Variants in RPRD2 observed in about 807,000 individuals in gnomAD.
RPRD2 encodes regulation of nuclear pre-mRNA domain containing 2.
A neutral mutation model predicts 104.4 loss-of-function variants in RPRD2; 12 were observed. The ratio of observed to expected loss-of-function variants is 0.11; its 90% CI spans 0.07 to 0.19. The LOEUF is 0.19. Ranked by LOEUF, RPRD2 falls within the 10% of genes least tolerant of loss-of-function variation. The probability of loss-of-function intolerance (pLI) is 1.00; values close to 1 mark genes in which losing one functional copy is unlikely to be tolerated. For synonymous variants in RPRD2, 714 were observed against 684.9 expected (o/e 1.04, Z -0.66); for missense variants, 1,543 against 1,790.1 (o/e 0.86, Z 2.49).
intron 1 of RPRD2, among the ~76,000 whole-genome samples, chr1:150,373,533 C>CTTATTTTTTTTT (rs1660476955): frequency 1.0e-5 from 1 of 97,420 alleles, no homozygotes; most frequent in Non-Finnish European, 2.0e-5. Context: ...TCAAGAATGA[C>CTTATTTTTTTTT]TTTTTTTTTT....
At chr1:150,423,168 A>ATGATG (rs1664878827) in intron 2 of RPRD2, among the ~76,000 whole-genome samples, 1 of 152,208 alleles carries the variant, frequency 6.6e-6, no homozygotes, top group Non-Finnish European at 1.5e-5. Flanking sequence ...GTTTATCTGA[A>ATGATG]TATACATCAC....
Position 150,439,101 on chromosome 1 carries a change from G to A in RPRD2, c.336-1822G>A, listed in dbSNP as rs184940043. Among the ~76,000 whole-genome samples, 1,306 of 152,218 alleles carry A rather than the reference G, an allele frequency of 8.6e-3. 9 individuals are homozygous for A. Among genetic ancestry groups the A allele is most frequent in the Admixed American group, 0.015 (223 of 15,300 alleles). The stretch of plus-strand genomic sequence containing the variant: ...GCCTCCCTCGGCCTCCCAAAGTGCT[G>A]CGATTACAGGCATGAGCCACCACAC... On this transcript the variant is annotated intron_variant, in intron 2 of 10. Coordinates refer to ENST00000369068, the MANE Select transcript of RPRD2 (RefSeq NM_015203.5).
chr1:150,428,778 A>G (rs979111552), intron 2 of RPRD2, among the ~76,000 whole-genome samples: 1 of 152,156 alleles, frequency 6.6e-6, no homozygotes, highest in Non-Finnish European at 1.5e-5. Context: ...GTGAGGTACA[A>G]GATTGTGGTG....
At chr1:150,377,906 A>G (rs935820813) in intron 1 of RPRD2, among the ~76,000 whole-genome samples, 14 of 152,290 alleles carry the variant, frequency 9.2e-5, no homozygotes, top group Non-Finnish European at 1.6e-4. Context: ...TGAGTCTCAG[A>G]GAAGTAAATT....
At chr1:150,413,458 C>T (rs1664092811) in intron 1 of RPRD2, among the ~76,000 whole-genome samples, 1 of 152,058 alleles carries the variant, frequency 6.6e-6, no homozygotes, top group Non-Finnish European at 1.5e-5. Context: ...AAAAAATTAG[C>T]TGGGTGCGGT....
chr1:150,364,739 A>G lies in RPRD2; in HGVS notation c.25A>G (p.Ser9Gly). 6.3e-7 allele frequency: 1 copy of G among 1,587,184 alleles called. No individual in the cohort carries two copies. Among genetic ancestry groups the G allele is most frequent in the Non-Finnish European group, 8.6e-7 (1 of 1,166,574 alleles). The change falls in exon 1 of 11, where the codon AGC becomes GGC. Residue 9 changes from serine to glycine, a missense_variant. Physicochemically the swap from Ser to Gly is moderately conservative, Grantham distance 56 (BLOSUM62 0). Coordinates refer to ENST00000369068, the MANE Select transcript of RPRD2 (RefSeq NM_015203.5). ...GATGGCGGCCGGCGGCGGCGGAGGCAGCAGTAAGGCCTCCTCCTCGTCGGC... is the reference window on the plus strand; with the variant it reads ...GATGGCGGCCGGCGGCGGCGGAGGCGGCAGTAAGGCCTCCTCCTCGTCGGC... MAAGGGGG[S>G]SKASSSSASS...
At position 150,474,296 on chromosome 1, in the gene RPRD2, AAG is replaced by A. The variant is rs1472683116; in HGVS notation, c.*963_*964del. ...TTTTACCATGGTGCCTCCCTAATGT[AAG>A]TGATATTTATTGGTGGTTTTCAACA... On this transcript the variant is annotated 3_prime_UTR_variant, in exon 11 of 11. Transcript: ENST00000369068. 6 of 152,232 alleles carry A rather than the reference AAG, an allele frequency of 3.9e-5. No individual in the cohort carries two copies. Among genetic ancestry groups the A allele is most frequent in the African/African-American group, 1.4e-4 (6 of 41,464 alleles). 9.4% of individuals were successfully genotyped at this position (152,232 alleles called of 1,614,324 possible). A position where few individuals can be genotyped will look rare whatever the true frequency, so the allele number is the denominator to read the frequency against.
In RPRD2 at chr1:150,472,904, G is replaced by A. The variant is rs2102450495; in HGVS notation, c.3956G>A (p.Gly1319Glu). The change falls in exon 11 of 11, where the codon GGG (glycine) becomes GAG (glutamate). Residue 1319 changes from glycine to glutamate, a missense_variant. Gly to Glu is a moderately conservative substitution (Grantham distance 98). Transcript: ENST00000369068. ...APPLAEHGVAGAVAVFPKDHS... is the reference protein window; with the variant it reads ...APPLAEHGVAEAVAVFPKDHS... ...CCACTGGCAGAGCACGGAGTGGCAG[G>A]GGCTGTGGCAGTATTTCCCAAGGAC... 1 of 1,613,236 alleles carries A rather than the reference G, an allele frequency of 6.2e-7. No individual in the cohort carries two copies. Among genetic ancestry groups the A allele is most frequent in the East Asian group, 2.2e-5 (1 of 44,870 alleles).
At chr1:150,449,056 G>A (rs1171286796) in intron 7 of RPRD2, among the ~76,000 whole-genome samples, 3 of 152,162 alleles carry the variant, frequency 2.0e-5, no homozygotes, top group Admixed American at 2.0e-4. Flanking sequence ...CTTGAGGCCA[G>A]GAGTTCAAGA....
intron 1 of RPRD2, among the ~76,000 whole-genome samples, chr1:150,385,740 T>C (rs1416178906): frequency 1.3e-5 from 2 of 152,250 alleles, no homozygotes. Flanking sequence ...CCCTGAGTAG[T>C]GCTTTCAGAG....
Position 150,446,303 on chromosome 1 carries a change from G to C in RPRD2, c.772G>C (p.Asp258His), listed in dbSNP as rs782733101. The C allele has an allele frequency of 1.2e-6, 2 of 1,612,554 alleles. No individual in the cohort carries two copies. Among genetic ancestry groups the C allele is most frequent in the South Asian group, 2.2e-5 (2 of 90,784 alleles). Residue 258 changes from aspartate to histidine, a missense_variant, in exon 7 of 11, where the codon GAT (aspartate) becomes CAT (histidine). Physicochemically the swap from Asp to His is moderately conservative, Grantham distance 81. Around this residue, in one of 4 missense-constraint regions of RPRD2, gnomAD observed 572 missense variants for 787.3 expected, o/e 0.73. Coordinates refer to ENST00000369068, the MANE Select transcript of RPRD2 (RefSeq NM_015203.5). ...SKLEEFVNGL[D>H]KQVKNGPSLT... ...GCTGGAAGAATTTGTGAATGGATTA[G>C]ATAAGCAGGTGAAAAACGGACCCTC...
chr1:150,379,805 G>A (rs1660995979), intron 1 of RPRD2, among the ~76,000 whole-genome samples: 1 of 152,226 alleles, frequency 6.6e-6, no homozygotes, highest in Non-Finnish European at 1.5e-5. Flanking sequence ...CTAAGTACTG[G>A]GATTACAGGC....
At chr1:150,443,356 C>A (rs1465631352) in intron 5 of RPRD2, 73 bp downstream of exon 5, 11 of 1,071,188 alleles carry the variant, frequency 1.0e-5, no homozygotes, top group Middle Eastern at 4.0e-4. Flanking sequence ...CTGTATAGTC[C>A]AATAAGATTT....
At position 150,433,635 on chromosome 1, in the gene RPRD2, G is replaced by A. The variant is rs1665769684; in HGVS notation, c.336-7288G>A. Among the ~76,000 whole-genome samples the A allele has an allele frequency of 2.7e-5, 4 of 148,338 alleles. No homozygotes were observed. The South Asian group carries it at 6.3e-4, about 23-fold the overall frequency. ...AATTTTTTGTATTTTTAGTAGAGAT[G>A]GGGTTTCACAGTGTTAGCCAGGATG... On this transcript the variant is annotated intron_variant, in intron 2 of 10. Transcript: ENST00000369068.
chr1:150,439,042 C>T (rs1219261157), intron 2 of RPRD2, among the ~76,000 whole-genome samples: 2 of 152,036 alleles, frequency 1.3e-5, no homozygotes, highest in African/African-American at 2.4e-5. Flanking sequence ...ACCATGTTGG[C>T]CAGGATGGTC....
At chr1:150,424,526 T>TCCG (rs1664982233) in intron 2 of RPRD2, among the ~76,000 whole-genome samples, 1 of 152,118 alleles carries the variant, frequency 6.6e-6, no homozygotes, top group Non-Finnish European at 1.5e-5. Flanking sequence ...GACCTCATGA[T>TCCG]CCGCCTGCCT....
chr1:150,384,708 T>C (rs1661434188), intron 1 of RPRD2, among the ~76,000 whole-genome samples: 1 of 150,598 alleles, frequency 6.6e-6, no homozygotes, highest in African/African-American at 2.4e-5. Context: ...GGTTTCACCC[T>C]GTTGGCCAAG....
chr1:150,460,967 C>A (rs1203368044), intron 9 of RPRD2, among the ~76,000 whole-genome samples: 2 of 151,976 alleles, frequency 1.3e-5, no homozygotes, highest in Non-Finnish European at 2.9e-5. Context: ...TCAGGTGATC[C>A]ACCCATCTTG....
intron 1 of RPRD2, among the ~76,000 whole-genome samples, chr1:150,408,197 C>T (rs1420399488): frequency 8.3e-6 from 1 of 120,950 alleles, no homozygotes; most frequent in African/African-American, 3.4e-5. Flanking sequence ...CAGAGTCTCA[C>T]TCTGTCGTCC....
Sources: gnomAD v4.1 joint callset for allele counts (sites outside exome capture counted in the v4.1 genomes callset) on GRCh38, gnomAD v4.1.1 for gene constraint, gnomAD v4.1.1 regional missense constraint, MANE v1.5 for transcripts, NCBI Gene and HGNC (gene_info 2026-07-23, HGNC 2026-07-21) for gene names.